Variants in DAB1 observed in about 807,000 individuals in gnomAD.
The protein encoded by DAB1 is disabled homolog 1.
Under a neutral mutation model 64.6 loss-of-function variants are expected in DAB1, and 15 were observed. The ratio of observed to expected loss-of-function variants is 0.23; its 90% CI spans 0.16 to 0.36. The LOEUF (loss-of-function observed/expected upper bound fraction) is 0.36, where lower values mean the gene tolerates loss of function less well. Ranked by LOEUF, DAB1 falls within the 10% of genes least tolerant of loss-of-function variation. The pLI, the probability that DAB1 is intolerant of heterozygous loss-of-function variation, is 1.00. For missense variants in DAB1, 596 were observed against 706.7 expected (o/e 0.84, Z 1.78); for synonymous variants, 235 against 251.9 (o/e 0.93, Z 0.64).
At chr1:57,667,500 A>C (rs1646462025) in intron 6 of DAB1, among the ~76,000 whole-genome samples, 1 of 152,138 alleles carries the variant, frequency 6.6e-6, no homozygotes, top group Admixed American at 6.6e-5. Context: ...TCAGCAGAGC[A>C]GTCATTTTCT....
chr1:57,300,497 A>C (rs1673554743), intron 1 of DAB1, among the ~76,000 whole-genome samples: 1 of 152,190 alleles, frequency 6.6e-6, no homozygotes, highest in Non-Finnish European at 1.5e-5. Context: ...AATGTTAGTC[A>C]CCTTAAGAAG....
rs146124790 is a variant in DAB1, at chr1:58,132,163, C to T, written n.387+18348G>A. 2.6e-4 allele frequency among the ~76,000 whole-genome samples: 40 copies of T among 152,270 alleles called. 1 individual carries two copies. In the East Asian group the frequency reaches 5.8e-3, roughly 22 times the overall value. ...AGGTGCAGGAGATAATCTCGTGGTGCGCCGTTTTTTAAGCCCGTCGGAAAA... is the reference window on the plus strand; with the variant it reads ...AGGTGCAGGAGATAATCTCGTGGTGTGCCGTTTTTTAAGCCCGTCGGAAAA... On this transcript the variant is annotated intron_variant and non_coding_transcript_variant, in intron 5 of 20. Transcript: ENST00000485760.
intron 5 of DAB1, among the ~76,000 whole-genome samples, chr1:57,962,584 G>A (rs1340278688): frequency 6.6e-6 from 1 of 152,138 alleles, no homozygotes. Flanking sequence ...ACGAATCCCA[G>A]GAAGAGGCCA....
chr1:58,105,878 T>C (rs1651605089), intron 5 of DAB1, among the ~76,000 whole-genome samples: 1 of 152,196 alleles, frequency 6.6e-6, no homozygotes, highest in South Asian at 2.1e-4. Flanking sequence ...TTCCTCTCCA[T>C]TCAGTCATCC....
chr1:57,313,288 G>A (rs781513731), intron 1 of DAB1, among the ~76,000 whole-genome samples: 11 of 152,092 alleles, frequency 7.2e-5, no homozygotes, highest in Non-Finnish European at 1.2e-4. Context: ...CAACTTCCCC[G>A]AGCCCTAGCC....
chr1:58,078,284 G>T (rs1324353374), intron 5 of DAB1, among the ~76,000 whole-genome samples: 1 of 152,200 alleles, frequency 6.6e-6, no homozygotes, highest in South Asian at 2.1e-4. Context: ...TTGGGCTAGA[G>T]AATTCTTTGA....
intron 5 of DAB1, among the ~76,000 whole-genome samples, chr1:58,139,601 G>A (rs187278479): frequency 2.0e-5 from 3 of 151,886 alleles, no homozygotes; most frequent in Non-Finnish European, 2.9e-5. Flanking sequence ...TGACAAGAGA[G>A]GATTATGGGA....
At chr1:58,450,686 G>A (rs1378732964) in intron 3 of DAB1, among the ~76,000 whole-genome samples, 3 of 152,160 alleles carry the variant, frequency 2.0e-5, no homozygotes, top group Non-Finnish European at 2.9e-5. Flanking sequence ...CCCGGGAGGC[G>A]GAGATTGCAG....
chr1:57,149,791 T>G (rs1304468958), intron 2 of DAB1, among the ~76,000 whole-genome samples: 5 of 152,168 alleles, frequency 3.3e-5, no homozygotes, highest in African/African-American at 1.2e-4. Flanking sequence ...AGCCTCATTT[T>G]TTCGTGTCAC....
intron 6 of DAB1, among the ~76,000 whole-genome samples, chr1:57,658,570 C>A (rs1408359653): frequency 6.6e-6 from 1 of 150,652 alleles, no homozygotes; most frequent in East Asian, 2.0e-4. Context: ...CCCAAAGTTT[C>A]TTATTTTTTT....
chr1:57,684,640 AG>A (rs1297391259), intron 6 of DAB1, among the ~76,000 whole-genome samples: 1 of 152,212 alleles, frequency 6.6e-6, no homozygotes, highest in African/African-American at 2.4e-5. Flanking sequence ...CAGAATCAAA[AG>A]AATGACACCT....
At chr1:57,273,553 GCCTT>G (rs1191588175) in intron 2 of DAB1, among the ~76,000 whole-genome samples, 1,565 of 60,778 alleles carry the variant, frequency 0.026, 71 homozygotes, top group Non-Finnish European at 0.047. Flanking sequence ...CTGCCTGCCT[GCCTT>G]CCTTCCTTCC....
intron 3 of DAB1, among the ~76,000 whole-genome samples, chr1:58,384,767 C>A (rs1396312220): frequency 6.6e-6 from 1 of 152,210 alleles, no homozygotes; most frequent in Non-Finnish European, 1.5e-5. Flanking sequence ...AGTCCAAAAG[C>A]TGAATAACTT....
At position 58,308,486 on chromosome 1, in the gene DAB1, T is replaced by G. The variant is rs1662356309; in HGVS notation, n.309+34866A>C. ...AATTTGTTCTCCGACATTCTCCTCTTTCCTCCTTCCACAGTGGAAGCACCT... is the reference window on the plus strand; with the variant it reads ...AATTTGTTCTCCGACATTCTCCTCTGTCCTCCTTCCACAGTGGAAGCACCT... On this transcript the variant is annotated intron_variant and non_coding_transcript_variant, in intron 4 of 20. Coordinates refer to the DAB1 transcript ENST00000485760. Among the ~76,000 whole-genome samples the G allele has an allele frequency of 1.3e-5, 2 of 152,018 alleles. 1 individual carries two copies. The highest frequency in any genetic ancestry group is 4.2e-4 in the South Asian group (2 of 4,810).
At chr1:58,254,067 C>A (rs2100409299) in intron 4 of DAB1, among the ~76,000 whole-genome samples, 1 of 152,190 alleles carries the variant, frequency 6.6e-6, no homozygotes, top group South Asian at 2.1e-4. Context: ...AACTTATAAA[C>A]CACAGAGGAG....
At chr1:58,467,774 C>T (rs748908384) in intron 3 of DAB1, among the ~76,000 whole-genome samples, 4 of 152,180 alleles carry the variant, frequency 2.6e-5, no homozygotes, top group Non-Finnish European at 4.4e-5. Context: ...ATACTTCAGG[C>T]ATATAAAAAG....
intron 1 of DAB1, among the ~76,000 whole-genome samples, chr1:57,870,386 C>T (rs2038379): frequency 0.31 from 47,609 of 151,808 alleles, 7,947 homozygotes; most frequent in African/African-American, 0.42. Context: ...ACTAAGAAGC[C>T]GTTTTATTGG....
chr1:57,179,835 A>T (rs1168800447), intron 2 of DAB1, among the ~76,000 whole-genome samples: 1 of 152,212 alleles, frequency 6.6e-6, no homozygotes, highest in Non-Finnish European at 1.5e-5. Flanking sequence ...CAAGAGTAGC[A>T]TTGGAACAGA....
intron 3 of DAB1, among the ~76,000 whole-genome samples, chr1:58,503,716 G>A (rs968319570): frequency 2.0e-5 from 3 of 152,028 alleles, no homozygotes; most frequent in African/African-American, 7.2e-5. Context: ...TGGGAAGTGG[G>A]CCCTCACCAG....
Sources: gnomAD v4.1 joint callset for allele counts (sites outside exome capture counted in the v4.1 genomes callset) on GRCh38, gnomAD v4.1.1 for gene constraint, MANE v1.5 for transcripts, NCBI Gene and HGNC (gene_info 2026-07-23, HGNC 2026-07-21) for gene names.